Variants in UCHL5 observed in about 807,000 individuals in gnomAD.
UCHL5 encodes the protein ubiquitin carboxyl-terminal hydrolase isozyme L5.
Under a neutral mutation model 53.8 loss-of-function variants are expected in UCHL5, and 34 were observed. The ratio of observed to expected loss-of-function variants is 0.63; its 90% CI spans 0.48 to 0.84. UCHL5 has a LOEUF of 0.84. Among genes scored for constraint, UCHL5 ranks in the 40% least tolerant of loss-of-function variants. The pLI is 0.00. For synonymous variants in UCHL5, 111 were observed against 126.3 expected (o/e 0.88, Z 0.81); for missense variants, 290 against 385.6 (o/e 0.75, Z 2.08).
intron 3 of UCHL5, among the ~76,000 whole-genome samples, chr1:193,038,454 C>CA (rs35259109): frequency 0.024 from 1,692 of 70,668 alleles, 18 homozygotes; most frequent in South Asian, 0.043. Flanking sequence ...GACTTCATCT[C>CA]AAAAAAAAAA....
intron 3 of UCHL5, among the ~76,000 whole-genome samples, chr1:193,045,376 T>C (rs969349949): frequency 3.9e-5 from 6 of 152,208 alleles, no homozygotes; most frequent in Admixed American, 3.3e-4. Flanking sequence ...GTTTGGATCA[T>C]GGGGGTGGAT....
chr1:193,020,306 C>T, intron 10 of UCHL5: 1 of 1,544,060 alleles, frequency 6.5e-7, no homozygotes, highest in Non-Finnish European at 8.7e-7. Flanking sequence ...AATATACCTA[C>T]CATGTATTCT....
chr1:193,027,282 T>G (rs1659636283), intron 7 of UCHL5, among the ~76,000 whole-genome samples: 1 of 152,108 alleles, frequency 6.6e-6, no homozygotes, highest in Non-Finnish European at 1.5e-5. Context: ...TGAATATATA[T>G]ATAATTATCT....
chr1:193,012,784 T>C lies in UCHL5; in HGVS notation c.*3567A>G, dbSNP rs1484531530. The C allele has an allele frequency of 6.6e-6, 1 of 152,242 alleles. No individual in the cohort carries two copies. The highest frequency in any genetic ancestry group is 1.5e-5 in the Non-Finnish European group (1 of 68,044). The allele number at this position is 152,242 out of a possible 1,614,324, so 9.4% of individuals were successfully genotyped here. ...GTCTCACCATGAGAGCAGGGGCTTT[T>C]TCCTGTTATACTATCCTCTAGCATC... is the stretch of plus-strand genomic sequence containing the variant. On this transcript the variant is annotated 3_prime_UTR_variant, in exon 11 of 11. Coordinates refer to ENST00000367454, the MANE Select transcript of UCHL5 (RefSeq NM_001199261.3).
rs990668684 is a variant in UCHL5, at chr1:193,020,080, T to G, written c.942+1017A>C. On this transcript the variant is annotated intron_variant, in intron 10 of 10. Transcript: ENST00000367454. ...ATCTTAGAATACACCCTGAGATGCA[T>G]GAACAGAAAAACCTATAATGGAAAA... is the stretch of plus-strand genomic sequence containing the variant. 4 of 984,820 alleles carry G rather than the reference T, an allele frequency of 4.1e-6. No homozygotes were observed. The African/African-American group carries it at 7.0e-5, about 17-fold the overall frequency. The allele number at this position is 984,820 out of a possible 1,614,324, so 61.0% of individuals were successfully genotyped here.
At chr1:193,029,471 G>A (rs1242108014) in intron 4 of UCHL5, 22 bp from the exon 5 acceptor site, 1 of 1,613,044 alleles carries the variant, frequency 6.2e-7, no homozygotes, top group African/African-American at 1.3e-5. Context: ...TTTTAAAGTA[G>A]CCTATTAATA....
At position 193,029,379 on chromosome 1, in the gene UCHL5, T is replaced by C. The variant is rs1219059654; in HGVS notation, c.434+9A>G. The C allele has an allele frequency of 8.1e-6, 13 of 1,613,574 alleles. No homozygotes were observed. Among genetic ancestry groups the C allele is most frequent in the African/African-American group, 2.7e-5 (2 of 74,930 alleles). On this transcript the variant is annotated intron_variant, in intron 5 of 10. Transcript: ENST00000367454. Reference sequence around the variant, plus strand: ...GAAACAGTATTTATTTAACATAAAGTCTCTTTACCTGGCGAAACTGTTGTG... The same window carrying C: ...GAAACAGTATTTATTTAACATAAAGCCTCTTTACCTGGCGAAACTGTTGTG...
intron 1 of UCHL5, among the ~76,000 whole-genome samples, chr1:193,053,815 T>C (rs1410819356): frequency 6.6e-6 from 1 of 152,176 alleles, no homozygotes; most frequent in African/African-American, 2.4e-5. Flanking sequence ...CAAATATCTT[T>C]TGCGTGCCAA....
At chr1:193,047,717 C>T (rs1337806712) in intron 3 of UCHL5, among the ~76,000 whole-genome samples, 3 of 152,024 alleles carry the variant, frequency 2.0e-5, no homozygotes, top group Admixed American at 2.0e-4. Context: ...TCCCTAAGAC[C>T]CTTTTCAAGG....
At chr1:193,020,173 A>T (rs555605146) in intron 10 of UCHL5, 1,001 of 1,306,772 alleles carry the variant, frequency 7.7e-4, no homozygotes, top group Non-Finnish European at 9.4e-4. Context: ...ACATGTTTCA[A>T]TCAATAAGGT....
chr1:193,018,746 G>C, intron 10 of UCHL5: 1 of 1,501,650 alleles, frequency 6.7e-7, no homozygotes. Flanking sequence ...TAGTAGCACT[G>C]CATGGTGCAG....
intron 3 of UCHL5, among the ~76,000 whole-genome samples, chr1:193,032,543 G>A (rs181403210): frequency 2.0e-5 from 3 of 152,222 alleles, no homozygotes; most frequent in Non-Finnish European, 2.9e-5. Flanking sequence ...CAGTTAAACT[G>A]AAGAGCTTCT....
At chr1:193,026,837 A>T (rs1050666813) in intron 7 of UCHL5, among the ~76,000 whole-genome samples, 1 of 152,222 alleles carries the variant, frequency 6.6e-6, no homozygotes, top group Admixed American at 6.5e-5. Flanking sequence ...GCCAAAAAAT[A>T]GAAAACAATC....
At chr1:193,051,934 A>G (rs954487603) in intron 1 of UCHL5, 117 bp from the exon 2 acceptor site, 1 of 688,564 alleles carries the variant, frequency 1.5e-6, no homozygotes, top group African/African-American at 1.8e-5. Flanking sequence ...GGTAAAACTA[A>G]TAAAGCTCAC....
At chr1:193,031,073 AATATGT>A (rs539656066) in intron 3 of UCHL5, among the ~76,000 whole-genome samples, 56 of 152,308 alleles carry the variant, frequency 3.7e-4, no homozygotes, top group African/African-American at 1.3e-3. Flanking sequence ...GACTTATACG[AATATGT>A]ATTTTGATCC....
chr1:193,036,317 CAAAAAAAAAAAAA>C lies in UCHL5; in HGVS notation c.247-6673_247-6661del, dbSNP rs960496083. Among the ~76,000 whole-genome samples the C allele has an allele frequency of 2.4e-4, 12 of 50,808 alleles. No individual in the cohort carries two copies. The East Asian group carries it at 5.9e-3, about 25-fold the overall frequency. 33.3% of individuals were successfully genotyped at this position (50,808 alleles called of 152,430 possible). ...GAAGATATTCTGTGCAACTGGAAAC[CAAAAAAAAAAAAA>C]AAAAAAAAAAAAGAACAGGAGTACT... On this transcript the variant is annotated intron_variant, in intron 3 of 10. Transcript: ENST00000367454.
intron 10 of UCHL5, chr1:193,020,182 G>T: frequency 7.3e-7 from 1 of 1,362,020 alleles, no homozygotes; most frequent in South Asian, 2.0e-5. Flanking sequence ...AATCAATAAG[G>T]TAATATACAC....
At chr1:193,054,201 C>A (rs560665670) in intron 1 of UCHL5, among the ~76,000 whole-genome samples, 1 of 152,226 alleles carries the variant, frequency 6.6e-6, no homozygotes, top group Admixed American at 6.5e-5. Flanking sequence ...GGGATAGAAA[C>A]AAATTTCAAA....
Position 193,048,512 on chromosome 1 carries a change from A to C in UCHL5, c.246+1234T>G, listed in dbSNP as rs1668030433. On this transcript the variant is annotated intron_variant, in intron 3 of 10. Transcript: ENST00000367454. Reference sequence around the variant, plus strand: ...TAATCCAAAGGATTTTACCATAACAAAGTACAAATTTTACATTACAACTAA... The same window carrying C: ...TAATCCAAAGGATTTTACCATAACACAGTACAAATTTTACATTACAACTAA... 2.0e-5 allele frequency among the ~76,000 whole-genome samples: 3 copies of C among 152,342 alleles called. No individual in the cohort carries two copies. In the South Asian group the frequency reaches 6.2e-4, roughly 32 times the overall value.
Sources: allele counts gnomAD v4.1 joint callset (sites outside exome capture counted in the v4.1 genomes callset), GRCh38; gene constraint gnomAD v4.1.1; transcripts MANE v1.5; gene names NCBI Gene and HGNC (gene_info 2026-07-23, HGNC 2026-07-21).